Variants in LRRTM4 observed in about 807,000 individuals in gnomAD.
The protein encoded by LRRTM4 is leucine rich repeat transmembrane neuronal 4.
Under a neutral mutation model 47.6 loss-of-function variants are expected in LRRTM4, and 25 were observed. That is an observed-to-expected ratio of 0.53 (90% confidence interval 0.38 to 0.73). LRRTM4 has a LOEUF of 0.73. Ranked by LOEUF, LRRTM4 falls within the 30% of genes least tolerant of loss-of-function variation. LRRTM4 has a pLI of 0.00. For synonymous variants in LRRTM4, 311 were observed against 269.5 expected (o/e 1.15, Z -1.51); for missense variants, 638 against 713.4 (o/e 0.89, Z 1.20).
intron 3 of LRRTM4, among the ~76,000 whole-genome samples, chr2:76,858,501 G>A (rs182181182): frequency 2.0e-5 from 3 of 152,250 alleles, no homozygotes; most frequent in African/African-American, 7.2e-5. Flanking sequence ...TCCTCGGGGA[G>A]GAGTGGGGCT....
intron 3 of LRRTM4, among the ~76,000 whole-genome samples, chr2:77,420,794 T>TAA (rs1674845675): frequency 6.9e-6 from 1 of 145,446 alleles, no homozygotes; most frequent in Admixed American, 7.0e-5. Context: ...TATATATATA[T>TAA]AATACATATA....
intron 3 of LRRTM4, among the ~76,000 whole-genome samples, chr2:77,470,437 T>C (rs4513322): frequency 0.65 from 98,201 of 151,948 alleles, 32,097 homozygotes; most frequent in East Asian, 0.79. Flanking sequence ...AAAAGGAAGA[T>C]ATAAGAGTGT....
intron 3 of LRRTM4, among the ~76,000 whole-genome samples, chr2:77,354,224 A>C (rs1323188201): frequency 2.0e-5 from 3 of 152,124 alleles, no homozygotes; most frequent in African/African-American, 7.2e-5. Flanking sequence ...CTAGTCTTCA[A>C]TCTGGTCCAA....
chr2:77,021,657 C>G (rs1343382220), intron 3 of LRRTM4, among the ~76,000 whole-genome samples: 1 of 152,124 alleles, frequency 6.6e-6, no homozygotes, highest in Non-Finnish European at 1.5e-5. Flanking sequence ...AGACTGCCAG[C>G]TGAATGCAAC....
At chr2:76,907,292 C>CA (rs144948741) in intron 3 of LRRTM4, among the ~76,000 whole-genome samples, 150,600 of 150,602 alleles carry the variant, frequency 1, 75,299 homozygotes, top group Non-Finnish European at 1. Flanking sequence ...TCTTTGAAAC[C>CA]ACGAGAACAA....
chr2:77,165,813 AAAT>A (rs1385731376), intron 3 of LRRTM4, among the ~76,000 whole-genome samples: 1 of 152,204 alleles, frequency 6.6e-6, no homozygotes, highest in East Asian at 1.9e-4. Flanking sequence ...CGTTATCTCA[AAAT>A]AATAAGAGCT....
chr2:77,346,974 C>T (rs1330405768), intron 3 of LRRTM4, among the ~76,000 whole-genome samples: 1 of 152,154 alleles, frequency 6.6e-6, no homozygotes, highest in African/African-American at 2.4e-5. Context: ...ACTCTGCACT[C>T]CCTCTTCCCT....
chr2:77,484,766 T>A (rs1677846720), intron 3 of LRRTM4, among the ~76,000 whole-genome samples: 1 of 151,928 alleles, frequency 6.6e-6, no homozygotes, highest in South Asian at 2.2e-4. Context: ...AGTTTTCAGG[T>A]TTTTTTTCTT....
intron 3 of LRRTM4, among the ~76,000 whole-genome samples, chr2:77,258,990 T>G (rs1167249702): frequency 2.0e-5 from 3 of 152,048 alleles, no homozygotes; most frequent in Non-Finnish European, 4.4e-5. Context: ...GGAATATGGA[T>G]TTTTACTAGG....
chr2:77,216,185 A>G (rs1674434368), intron 3 of LRRTM4, among the ~76,000 whole-genome samples: 1 of 152,212 alleles, frequency 6.6e-6, no homozygotes, highest in Non-Finnish European at 1.5e-5. Context: ...AATCTTCTGG[A>G]CAGTCAGGTG....
intron 3 of LRRTM4, among the ~76,000 whole-genome samples, chr2:77,463,468 C>G (rs1676866775): frequency 6.6e-6 from 1 of 151,894 alleles, no homozygotes; most frequent in Non-Finnish European, 1.5e-5. Context: ...TCATAATTAC[C>G]TAATTCAAAA....
intron 3 of LRRTM4, among the ~76,000 whole-genome samples, chr2:77,150,197 T>C (rs1160218669): frequency 6.6e-6 from 1 of 152,114 alleles, no homozygotes; most frequent in Non-Finnish European, 1.5e-5. Context: ...AAAAATAGGA[T>C]ACTAAGATTA....
At chr2:77,139,820 T>C (rs2103756883) in intron 3 of LRRTM4, among the ~76,000 whole-genome samples, 1 of 152,268 alleles carries the variant, frequency 6.6e-6, no homozygotes, top group Admixed American at 6.5e-5. Flanking sequence ...AGCATTCATA[T>C]ACACCAATAA....
chr2:77,146,658 G>C (rs544395641), intron 3 of LRRTM4, among the ~76,000 whole-genome samples: 2 of 152,236 alleles, frequency 1.3e-5, no homozygotes, highest in Admixed American at 1.3e-4. Context: ...TATATGAGGT[G>C]AAATGCAGAT....
At chr2:77,210,682 A>G (rs1674266928) in intron 3 of LRRTM4, among the ~76,000 whole-genome samples, 1 of 152,052 alleles carries the variant, frequency 6.6e-6, no homozygotes, top group South Asian at 2.1e-4. Flanking sequence ...TTTGTGTGCC[A>G]TTTTTCCCAC....
intron 3 of LRRTM4, among the ~76,000 whole-genome samples, chr2:76,784,293 C>G (rs1460640455): frequency 6.6e-6 from 1 of 151,884 alleles, no homozygotes; most frequent in Admixed American, 6.6e-5. Flanking sequence ...CCTATGCATA[C>G]TTTGAAAAAT....
intron 3 of LRRTM4, among the ~76,000 whole-genome samples, chr2:76,929,067 C>T (rs534873552): frequency 1.3e-5 from 2 of 152,232 alleles, no homozygotes; most frequent in East Asian, 3.9e-4. Context: ...AGTTATCTTA[C>T]TACAACATTA....
chr2:76,877,061 A>T (rs943880173), intron 3 of LRRTM4, among the ~76,000 whole-genome samples: 1 of 152,056 alleles, frequency 6.6e-6, no homozygotes, highest in Non-Finnish European at 1.5e-5. Context: ...AGAATTTATT[A>T]GGGTTTTTGA....
At position 77,317,941 on chromosome 2, in the gene LRRTM4, A is replaced by G. The variant is rs115815494; in HGVS notation, c.1551+200377T>C. 2.8e-3 allele frequency among the ~76,000 whole-genome samples: 431 copies of G among 152,190 alleles called. 2 individuals carry two copies. Among genetic ancestry groups the G allele is most frequent in the African/African-American group, 9.7e-3 (402 of 41,518 alleles). On this transcript the variant is annotated intron_variant, in intron 3 of 3. Transcript: ENST00000409884. ...AGGATTTTATTTTCTCAAAAGATAT[A>G]AAACTAATGTATTATTGTTTTTATC...
Sources: allele counts gnomAD v4.1 joint callset (sites outside exome capture counted in the v4.1 genomes callset), GRCh38; gene constraint gnomAD v4.1.1; transcripts MANE v1.5; gene names NCBI Gene and HGNC (gene_info 2026-07-23, HGNC 2026-07-21).